Variants in PDE3A observed in about 807,000 individuals in gnomAD.
PDE3A encodes the protein phosphodiesterase 3A.
Under a neutral mutation model 98.3 loss-of-function variants are expected in PDE3A, and 43 were observed. The observed-to-expected ratio is 0.44, with a 90% CI of 0.34 to 0.56. The LOEUF is 0.56. PDE3A is among the 20% of genes least tolerant of loss of function. The pLI is 0.01. For missense variants in PDE3A, 1,427 were observed against 1,440.7 expected (o/e 0.99, Z 0.15); for synonymous variants, 663 against 567.9 (o/e 1.17, Z -2.38).
chr12:20,541,567 C>T (rs530656905), intron 1 of PDE3A, among the ~76,000 whole-genome samples: 1 of 152,152 alleles, frequency 6.6e-6, no homozygotes, highest in South Asian at 2.1e-4. Flanking sequence ...TTCTAACGAC[C>T]TCAGTTAACT....
chr12:20,473,511 C>T (rs1285148435), intron 1 of PDE3A, among the ~76,000 whole-genome samples: 1 of 152,106 alleles, frequency 6.6e-6, no homozygotes, highest in Non-Finnish European at 1.5e-5. Flanking sequence ...ATGCATTTTC[C>T]CGTTACTGCT....
chr12:20,485,451 G>A lies in PDE3A; in HGVS notation c.961-71209G>A, dbSNP rs529219541. Among the ~76,000 whole-genome samples, 159 of 152,012 alleles carry A rather than the reference G, an allele frequency of 1.0e-3. 3 individuals carry two copies. The South Asian group carries it at 0.032, about 30-fold the overall frequency. On this transcript the variant is annotated intron_variant, in intron 1 of 15. Transcript: ENST00000359062. ...GAACTGCAAATATGTTTTTTTTTAG[G>A]GGGGACACAATTCAACCCATAAGAA...
rs542959074 is a variant in PDE3A, at chr12:20,379,318, G to A, written c.960+9074G>A. Among the ~76,000 whole-genome samples, 11 of 151,872 alleles carry A rather than the reference G, an allele frequency of 7.2e-5. No homozygotes were observed. In the South Asian group the frequency reaches 1.5e-3, roughly 20 times the overall value. On this transcript the variant is annotated intron_variant, in intron 1 of 15. Coordinates refer to ENST00000359062, the MANE Select transcript of PDE3A (RefSeq NM_000921.5). ...CCACTTCAGAAATGCTCTTTAGTGA[G>A]CAGTGTTTGTCCTCGTGATATGAAA... is the stretch of plus-strand genomic sequence containing the variant.
At chr12:20,550,594 A>G (rs924453755) in intron 1 of PDE3A, among the ~76,000 whole-genome samples, 38 of 152,100 alleles carry the variant, frequency 2.5e-4, no homozygotes, top group African/African-American at 9.2e-4. Context: ...GCATTAAAGA[A>G]ATATCTACTA....
intron 1 of PDE3A, among the ~76,000 whole-genome samples, chr12:20,397,020 T>G (rs1321481474): frequency 1.8e-5 from 1 of 54,342 alleles, no homozygotes; most frequent in Non-Finnish European, 5.9e-5. Context: ...TATAGAAAAT[T>G]TTTTTTAAGC....
At chr12:20,386,102 T>TATATATAAATATATAG in intron 1 of PDE3A, among the ~76,000 whole-genome samples, 1 of 14,618 alleles carries the variant, frequency 6.8e-5, no homozygotes, top group African/African-American at 1.8e-4. Flanking sequence ...TATATATAAA[T>TATATATAAATATATAG]ATATATATAA....
At chr12:20,517,347 G>A (rs1946341304) in intron 1 of PDE3A, among the ~76,000 whole-genome samples, 1 of 152,194 alleles carries the variant, frequency 6.6e-6, no homozygotes, top group African/African-American at 2.4e-5. Context: ...GAAGGGGTTG[G>A]ACTATGGGGA....
intron 1 of PDE3A, among the ~76,000 whole-genome samples, chr12:20,502,626 A>G (rs1280854766): frequency 1.3e-5 from 2 of 152,168 alleles, no homozygotes; most frequent in Non-Finnish European, 2.9e-5. Context: ...TATGGAATAC[A>G]TGACTGAAAA....
chr12:20,663,446 G>C (rs1181925017), intron 15 of PDE3A, among the ~76,000 whole-genome samples: 3 of 151,886 alleles, frequency 2.0e-5, no homozygotes, highest in Non-Finnish European at 4.4e-5. Context: ...AAAGCAGCTG[G>C]AGGGGAGGTG....
intron 15 of PDE3A, among the ~76,000 whole-genome samples, chr12:20,674,658 A>G (rs984898198): frequency 1.3e-5 from 2 of 151,960 alleles, no homozygotes; most frequent in Admixed American, 6.6e-5. Flanking sequence ...TAGGTTTTCT[A>G]TTTCTTCCTG....
At chr12:20,510,897 T>C (rs12425566) in intron 1 of PDE3A, among the ~76,000 whole-genome samples, 42,863 of 151,932 alleles carry the variant, frequency 0.28, 7,138 homozygotes, top group East Asian at 0.6. Flanking sequence ...AAAAAAACAC[T>C]TATTGAATGT....
intron 2 of PDE3A, among the ~76,000 whole-genome samples, chr12:20,567,529 C>T (rs902529714): frequency 1.3e-5 from 2 of 151,978 alleles, no homozygotes; most frequent in Non-Finnish European, 2.9e-5. Context: ...GTCATGTTGT[C>T]ATTACTTAAG....
chr12:20,635,328 A>C (rs985869369), intron 8 of PDE3A, among the ~76,000 whole-genome samples: 2 of 152,160 alleles, frequency 1.3e-5, no homozygotes, highest in Admixed American at 6.5e-5. Flanking sequence ...GCACTTTGGG[A>C]GGCCAAGGCG....
At chr12:20,540,045 A>G (rs1283156109) in intron 1 of PDE3A, among the ~76,000 whole-genome samples, 1 of 152,142 alleles carries the variant, frequency 6.6e-6, no homozygotes. Context: ...GTTGTAAACT[A>G]TAAAAGTAAA....
At chr12:20,678,787 C>T (rs777240232) in intron 15 of PDE3A, among the ~76,000 whole-genome samples, 11 of 152,138 alleles carry the variant, frequency 7.2e-5, no homozygotes, top group Non-Finnish European at 1.2e-4. Flanking sequence ...GACTCAGGCC[C>T]GACTTGGGCC....
chr12:20,525,471 G>A (rs915102789), intron 1 of PDE3A, among the ~76,000 whole-genome samples: 3 of 147,860 alleles, frequency 2.0e-5, no homozygotes, highest in Admixed American at 1.3e-4. Flanking sequence ...TTTGGTTGGG[G>A]GGGGGGGCTT....
intron 1 of PDE3A, among the ~76,000 whole-genome samples, chr12:20,421,443 C>T (rs1296954505): frequency 6.6e-6 from 1 of 152,076 alleles, no homozygotes; most frequent in Non-Finnish European, 1.5e-5. Context: ...ATGCTATTGG[C>T]TATGAGGAGT....
intron 2 of PDE3A, among the ~76,000 whole-genome samples, chr12:20,574,615 A>G (rs1489823511): frequency 6.6e-6 from 1 of 151,928 alleles, no homozygotes; most frequent in African/African-American, 2.4e-5. Flanking sequence ...CATCAACATC[A>G]TCATCTTGCT....
intron 1 of PDE3A, among the ~76,000 whole-genome samples, chr12:20,526,915 TG>T (rs1946533975): frequency 2.0e-5 from 3 of 151,162 alleles, no homozygotes; most frequent in African/African-American, 7.3e-5. Context: ...TGTGTGTGTG[TG>T]TGTGTGTGTG....
Sources: allele counts gnomAD v4.1 joint callset (sites outside exome capture counted in the v4.1 genomes callset), GRCh38; gene constraint gnomAD v4.1.1; transcripts MANE v1.5; gene names NCBI Gene and HGNC (gene_info 2026-07-23, HGNC 2026-07-21).